Variants in COL6A3 observed in about 807,000 individuals in gnomAD.
COL6A3 encodes the protein collagen type VI alpha 3 chain.
Under a neutral mutation model 274.1 loss-of-function variants are expected in COL6A3, and 137 were observed. The observed-to-expected ratio is 0.50, with a 90% CI of 0.44 to 0.58. The LOEUF is 0.58. Ranked by LOEUF, COL6A3 falls within the 20% of genes least tolerant of loss-of-function variation. The pLI is 0.00. For missense variants in COL6A3, 3,950 were observed against 4,124.9 expected, an observed-to-expected ratio of 0.96 and a Z score of 1.16; for synonymous variants, 1,650 against 1,650.6, an observed-to-expected ratio of 1.00 and a Z score of 0.01.
rs573543371 is a variant in COL6A3, at chr2:237,378,099, T to C, written c.2497+537A>G. ...TGGTAGATCTGATACAACCATATCTTACCACCATAATAATTTGCAATAATA... is the reference window on the plus strand; with the variant it reads ...TGGTAGATCTGATACAACCATATCTCACCACCATAATAATTTGCAATAATA... On this transcript the variant is annotated intron_variant, in intron 6 of 43. Coordinates refer to ENST00000295550, the MANE Select transcript of COL6A3 (RefSeq NM_004369.4). Among the ~76,000 whole-genome samples, 128 of 152,354 alleles carry C rather than the reference T, an allele frequency of 8.4e-4. 1 individual carries two copies. Among genetic ancestry groups the C allele is most frequent in the African/African-American group, 2.8e-3 (116 of 41,586 alleles).
chr2:237,397,632 A>G (rs1274617087), intron 1 of COL6A3, among the ~76,000 whole-genome samples: 1 of 152,204 alleles, frequency 6.6e-6, no homozygotes, highest in Non-Finnish European at 1.5e-5. Flanking sequence ...GGTCACCTGT[A>G]ATGGCACTGC....
Position 237,340,806 on chromosome 2 carries a change from T to G in COL6A3, c.8110A>C (p.Arg2704=), listed in dbSNP as rs771203220. 2.5e-6 allele frequency: 4 copies of G among 1,614,216 alleles called. No individual in the cohort carries two copies. The South Asian group carries it at 3.3e-5, about 13-fold the overall frequency. ...SKEKLVDFLS[R]GMTQLQGTRA... ...GTTCCCTGCAACTGTGTCATTCCCC[T>G]GCTGAGGAAGTCCACCAGCTTCTCC... The change falls in exon 38 of 44, where the codon AGG becomes CGG. Residue 2704 remains arginine, a synonymous_variant. Coordinates refer to ENST00000295550, the MANE Select transcript of COL6A3 (RefSeq NM_004369.4).
intron 42 of COL6A3, among the ~76,000 whole-genome samples, chr2:237,332,078 T>TA (rs1291834612): frequency 2.0e-3 from 18 of 9,144 alleles, no homozygotes; most frequent in East Asian, 0.017. Flanking sequence ...TACATATATA[T>TA]ATATATATAT....
rs11385011 is a variant in COL6A3 at position 237,363,239 on chromosome 2, T to TAA, written c.6063+12_6063+13dup. The TAA allele has an allele frequency of 3.6e-5, 58 of 1,610,760 alleles. No individual in the cohort carries two copies. Among genetic ancestry groups the TAA allele is most frequent in the Middle Eastern group, 3.3e-4 (2 of 6,072 alleles). On this transcript the variant is annotated intron_variant, in intron 14 of 43. Transcript: ENST00000295550. ...CTACACTGGTCTGTGTATAAAGACA[T>TAA]AAAAAAAACTCACAAGCTGCTCCGC...
intron 43 of COL6A3, among the ~76,000 whole-genome samples, chr2:237,325,178 C>T (rs1699875550): frequency 6.6e-6 from 1 of 152,046 alleles, no homozygotes; most frequent in African/African-American, 2.4e-5. Flanking sequence ...ACTGGATGGC[C>T]CCAGTGACAA....
At chr2:237,347,240 A>G (rs1162960671) in intron 31 of COL6A3, among the ~76,000 whole-genome samples, 1 of 151,392 alleles carries the variant, frequency 6.6e-6, no homozygotes, top group Non-Finnish European at 1.5e-5. Context: ...GCACCACTGC[A>G]CTCCGCCCAG....
rs981471590 is a variant in COL6A3 at position 237,371,215 on chromosome 2, G to T, written c.4285+517C>A. On this transcript the variant is annotated intron_variant, in intron 9 of 43. Transcript: ENST00000295550. This position sits in a 1 kb window ranked among gnomAD's most constrained non-coding sequence, Gnocchi z 4.3. Reference sequence around the variant, plus strand: ...GGAGATGCCCTCATGCTTTGCCACGGTATGCATTCTCCCTGGATGCCATGA... The same window carrying T: ...GGAGATGCCCTCATGCTTTGCCACGTTATGCATTCTCCCTGGATGCCATGA... 2.0e-5 allele frequency among the ~76,000 whole-genome samples: 3 copies of T among 152,154 alleles called. No individual in the cohort carries two copies. The highest frequency in any genetic ancestry group is 6.5e-5 in the Admixed American group (1 of 15,282).
At position 237,377,012 on chromosome 2, in the gene COL6A3, G is replaced by C. The variant is rs886470638; in HGVS notation, c.2830C>G (p.Leu944Val). The C allele has an allele frequency of 1.9e-6, 3 of 1,614,198 alleles. No homozygotes were observed. The East Asian group carries it at 6.7e-5, about 36-fold the overall frequency. The stretch of plus-strand genomic sequence containing the variant: ...GACCTTCCTGCGACCAGCAGCACCA[G>C]GAACTGAAGCACTCCATCCTCGATC... The part of the protein sequence containing the change: ...SRIEDGVLQF[L>V]VLLVAGRSSD... Residue 944 changes from leucine (L) to valine (V), a missense_variant, in exon 7 of 44, where the codon CTG becomes GTG. Transcript: ENST00000295550.
chr2:237,354,833 C>T lies in COL6A3; in HGVS notation c.6627+66G>A, dbSNP rs111658894. ...GGTTCACAGGAGAGAGTGTTTTTCACTCCTGGGCTGGGCGGCATCTGGGCT... is the reference window on the plus strand; with the variant it reads ...GGTTCACAGGAGAGAGTGTTTTTCATTCCTGGGCTGGGCGGCATCTGGGCT... On this transcript the variant is annotated intron_variant, in intron 24 of 43. Transcript: ENST00000295550. 4.9e-4 allele frequency: 700 copies of T among 1,417,566 alleles called. 1 individual carries two copies. The highest frequency in any genetic ancestry group is 6.6e-4 in the Non-Finnish European group (673 of 1,018,332). 87.8% of individuals were successfully genotyped at this position (1,417,566 alleles called of 1,614,324 possible). A position where few individuals can be genotyped will look rare whatever the true frequency, so the allele number is the denominator to read the frequency against.
At chr2:237,330,211 T>C (rs1559185959) in intron 42 of COL6A3, 1 of 152,092 alleles carries the variant, frequency 6.6e-6, no homozygotes, top group Non-Finnish European at 1.5e-5. Flanking sequence ...CTTCCTTAGC[T>C]AAAAATGAGA....
chr2:237,372,267 G>C lies in COL6A3; in HGVS notation c.3750C>G (p.Tyr1250Ter). The C allele has an allele frequency of 6.2e-7, 1 of 1,613,600 alleles. No individual in the cohort carries two copies. Among genetic ancestry groups the C allele is most frequent in the Non-Finnish European group, 8.5e-7 (1 of 1,180,040 alleles). Residue 1250 changes from tyrosine (Y) to a stop codon, truncating the protein, a stop_gained, in exon 9 of 44, where the codon TAC (tyrosine) becomes TAG (stop). Transcript: ENST00000295550. LOFTEE classifies it high-confidence loss of function. ...CCAGCCTCTCTATGAGGGTGCGAAC[G>C]TACTGGAACTCAGGCCCGGCACTTT... ...GSQSAGPEFQ[Y>*]VRTLIERLVD...
chr2:237,374,842 A>G lies in COL6A3; in HGVS notation c.3249T>C (p.Asn1083=). ...SDRTRPEFYL[N]SYMNKQDVVN... ...CGACGTCCTGCTTGTTCATGTATGA[A>G]TTCAGGTAGAACTCGGGCCTGGTCC... The change falls in exon 8 of 44, where the codon AAT becomes AAC. Residue 1083 remains asparagine, a synonymous_variant. Coordinates refer to ENST00000295550, the MANE Select transcript of COL6A3 (RefSeq NM_004369.4). The surrounding 1 kb of genome is among the most constrained non-coding windows in gnomAD (Gnocchi z 4.8). 1.2e-6 allele frequency: 2 copies of G among 1,614,004 alleles called. No homozygotes were observed. The highest frequency in any genetic ancestry group is 4.5e-5 in the East Asian group (2 of 44,854).
intron 1 of COL6A3, among the ~76,000 whole-genome samples, chr2:237,411,728 T>G (rs7579936): frequency 0.43 from 65,862 of 152,092 alleles, 16,044 homozygotes; most frequent in East Asian, 0.65. Flanking sequence ...AAATGAAGTG[T>G]GAAGTAAAGA....
intron 1 of COL6A3, among the ~76,000 whole-genome samples, chr2:237,398,658 T>C (rs1446709789): frequency 1.3e-5 from 2 of 152,240 alleles, no homozygotes; most frequent in Non-Finnish European, 2.9e-5. Flanking sequence ...CTCAGTTTGA[T>C]GCTTTGATGT....
intron 42 of COL6A3, among the ~76,000 whole-genome samples, chr2:237,330,644 C>T (rs1184677628): frequency 1.3e-5 from 2 of 152,174 alleles, no homozygotes; most frequent in African/African-American, 4.8e-5. Context: ...AGGCGAGAGT[C>T]TCCCTGCCAC....
chr2:237,408,874 T>G (rs2078785276), intron 1 of COL6A3, among the ~76,000 whole-genome samples: 1 of 152,192 alleles, frequency 6.6e-6, no homozygotes, highest in Non-Finnish European at 1.5e-5. Flanking sequence ...TTTGTTTTTT[T>G]CTTCTCTCCT....
chr2:237,350,495 C>T (rs1395628324), intron 27 of COL6A3, among the ~76,000 whole-genome samples: 2 of 152,098 alleles, frequency 1.3e-5, no homozygotes, highest in East Asian at 3.9e-4. Context: ...GGCATTGAGC[C>T]CAGCATAAAA....
intron 28 of COL6A3, 39 bp from the exon 29 acceptor site, chr2:237,348,702 C>G (rs754868786): frequency 6.3e-7 from 1 of 1,589,204 alleles, no homozygotes; most frequent in Admixed American, 1.7e-5. Flanking sequence ...GGTCGCCATG[C>G]CTGGCACACC....
rs2077378108 is a variant in COL6A3 at position 237,359,038 on chromosome 2, T to C, written c.6405A>G (p.Arg2135=). The C allele has an allele frequency of 2.5e-6, 4 of 1,613,810 alleles. No individual in the cohort carries two copies. In the African/African-American group the frequency reaches 5.3e-5, roughly 22 times the overall value. ...GSSGEKGNPG[R]RGDKGPRGEK... ...ACCACCGTGGAAATACACCTACCCTTCTTCCAGGATTCCCTTTCTCTCCAG... is the reference window on the plus strand; with the variant it reads ...ACCACCGTGGAAATACACCTACCCTCCTTCCAGGATTCCCTTTCTCTCCAG... The change falls in exon 20 of 44, where the codon AGA becomes AGG. Residue 2135 remains arginine, a synonymous_variant. Transcript: ENST00000295550.
Sources: gnomAD v4.1 joint callset for allele counts (sites outside exome capture counted in the v4.1 genomes callset) on GRCh38, gnomAD v4.1.1 for gene constraint, Gnocchi (gnomAD v3.1) non-coding constraint, MANE v1.5 for transcripts, NCBI Gene and HGNC (gene_info 2026-07-23, HGNC 2026-07-21) for gene names.